Variants in SIPA1L3 observed in about 807,000 individuals in gnomAD.
SIPA1L3 encodes the protein signal induced proliferation associated 1 like 3.
SIPA1L3 carries 59 observed loss-of-function variants against 150.1 expected under a neutral mutation model. The observed-to-expected ratio is 0.39, with a 90% CI of 0.32 to 0.49. The LOEUF is 0.49. Among genes scored for constraint, SIPA1L3 ranks in the 20% least tolerant of loss-of-function variants. The pLI is 0.86. For synonymous variants in SIPA1L3, 1,070 were observed against 1,077.6 expected, an observed-to-expected ratio of 0.99 and a Z score of 0.14; for missense variants, 2,211 against 2,489.5, an observed-to-expected ratio of 0.89 and a Z score of 2.38.
rs1247864654 is a variant in SIPA1L3 at position 38,149,713 on chromosome 19, G to A, written c.3534-3127G>A. Among the ~76,000 whole-genome samples, 7 of 152,324 alleles carry A rather than the reference G, an allele frequency of 4.6e-5. 1 individual carries two copies. In the South Asian group the frequency reaches 1.2e-3, roughly 27 times the overall value. ...GCAAAGGCATCCACAGCACACTCAT[G>A]AGGAAGCTTCGAGGCTGGAAGTTAT... On this transcript the variant is annotated intron_variant, in intron 12 of 21. Transcript: ENST00000222345.
intron 15 of SIPA1L3, among the ~76,000 whole-genome samples, chr19:38,177,088 G>A (rs1220407859): frequency 2.6e-5 from 4 of 152,248 alleles, no homozygotes; most frequent in Non-Finnish European, 4.4e-5. Flanking sequence ...TGGGCCGGGC[G>A]CGGTGGCTCA....
chr19:37,999,875 A>G (rs1355280553), intron 1 of SIPA1L3, among the ~76,000 whole-genome samples: 1 of 152,182 alleles, frequency 6.6e-6, no homozygotes, highest in Non-Finnish European at 1.5e-5. Context: ...CATGATTGCC[A>G]GGGTCTTGAA....
intron 1 of SIPA1L3, among the ~76,000 whole-genome samples, chr19:37,925,587 T>A (rs1180380018): frequency 6.7e-6 from 1 of 149,084 alleles, no homozygotes; most frequent in African/African-American, 2.5e-5. Flanking sequence ...GATTGATTTA[T>A]TACTTTTTTT....
At chr19:38,170,791 C>T (rs1235906123) in intron 15 of SIPA1L3, among the ~76,000 whole-genome samples, 1 of 151,896 alleles carries the variant, frequency 6.6e-6, no homozygotes, top group Non-Finnish European at 1.5e-5. Flanking sequence ...TAGCCTAGGG[C>T]CAGCGATAAT....
intron 8 of SIPA1L3, among the ~76,000 whole-genome samples, chr19:38,117,965 C>G (rs531045734): frequency 2.0e-5 from 3 of 152,062 alleles, no homozygotes; most frequent in African/African-American, 7.2e-5. Context: ...TTTCTCTTTA[C>G]GCTCTCCTGA....
chr19:38,006,497 C>G (rs948038211), intron 1 of SIPA1L3, among the ~76,000 whole-genome samples: 11 of 152,332 alleles, frequency 7.2e-5, no homozygotes, highest in African/African-American at 2.6e-4. Context: ...GTCCCCCACA[C>G]TGACATGGGC....
chr19:38,017,456 C>T (rs1968263735), intron 1 of SIPA1L3, among the ~76,000 whole-genome samples: 3 of 152,062 alleles, frequency 2.0e-5, no homozygotes, highest in African/African-American at 7.2e-5. Flanking sequence ...AAATCTTCAC[C>T]AGAGTTCTCC....
At chr19:37,995,567 G>A (rs1171166553) in intron 1 of SIPA1L3, among the ~76,000 whole-genome samples, 1 of 152,176 alleles carries the variant, frequency 6.6e-6, no homozygotes, top group African/African-American at 2.4e-5. Flanking sequence ...CACCATCAGG[G>A]AGAACTGTGA....
intron 1 of SIPA1L3, among the ~76,000 whole-genome samples, chr19:37,993,487 A>G (rs1967562673): frequency 6.6e-6 from 1 of 152,178 alleles, no homozygotes; most frequent in Non-Finnish European, 1.5e-5. Flanking sequence ...GCACGCCACC[A>G]TGCCCAGCTA....
chr19:38,019,258 T>C (rs1968312099), intron 1 of SIPA1L3, among the ~76,000 whole-genome samples: 1 of 152,176 alleles, frequency 6.6e-6, no homozygotes, highest in Non-Finnish European at 1.5e-5. Flanking sequence ...TGTGGCAGCT[T>C]CACAGTCATC....
At chr19:38,197,984 G>A (rs1449808821) in intron 18 of SIPA1L3, among the ~76,000 whole-genome samples, 1 of 151,914 alleles carries the variant, frequency 6.6e-6, no homozygotes, top group Non-Finnish European at 1.5e-5. Context: ...ACACGGTCCG[G>A]CCGTGTTGCC....
rs571214590 is a variant in SIPA1L3 at position 38,205,616 on chromosome 19, C to G, written c.5203-481C>G. Among the ~76,000 whole-genome samples, 117 of 152,244 alleles carry G rather than the reference C, an allele frequency of 7.7e-4. 1 individual carries two copies. The highest frequency in any genetic ancestry group is 2.6e-3 in the African/African-American group (109 of 41,534). On this transcript the variant is annotated intron_variant, in intron 21 of 21. Coordinates refer to ENST00000222345, the MANE Select transcript of SIPA1L3 (RefSeq NM_015073.3). ...ACCCCCGCCCCACTGCATAATGCTG[C>G]GCAACCTGAAACAGGTCCCTGCCTT... is the stretch of plus-strand genomic sequence containing the variant.
intron 1 of SIPA1L3, among the ~76,000 whole-genome samples, chr19:37,988,967 C>T (rs1306867562): frequency 6.6e-6 from 1 of 152,184 alleles, no homozygotes; most frequent in Non-Finnish European, 1.5e-5. Flanking sequence ...CCCAGCGAGG[C>T]CTTCTTTACA....
chr19:38,017,072 T>G (rs1568503857), intron 1 of SIPA1L3, among the ~76,000 whole-genome samples: 1 of 151,036 alleles, frequency 6.6e-6, no homozygotes, highest in South Asian at 2.1e-4. Context: ...AATTTTTCCA[T>G]TTTTGATAGA....
intron 9 of SIPA1L3, among the ~76,000 whole-genome samples, chr19:38,125,911 C>T (rs1258704619): frequency 3.3e-5 from 5 of 152,288 alleles, no homozygotes; most frequent in East Asian, 3.9e-4. Context: ...CGGTGGCTCA[C>T]GCCTGTAATC....
chr19:38,157,166 T>TA (rs1403437061), intron 13 of SIPA1L3, among the ~76,000 whole-genome samples: 2 of 151,598 alleles, frequency 1.3e-5, no homozygotes, highest in African/African-American at 2.4e-5. Flanking sequence ...CTCAATAAAA[T>TA]AAAAAAATAA....
chr19:37,954,730 G>T (rs2046794124), intron 1 of SIPA1L3, among the ~76,000 whole-genome samples: 1 of 152,062 alleles, frequency 6.6e-6, no homozygotes, highest in Admixed American at 6.6e-5. Context: ...TACAGAAGTT[G>T]TCACCACCAC....
chr19:38,149,943 C>T (rs1435834900), intron 12 of SIPA1L3, among the ~76,000 whole-genome samples: 1 of 152,210 alleles, frequency 6.6e-6, no homozygotes, highest in African/African-American at 2.4e-5. Context: ...GCCATTTTTC[C>T]TGAGTGCTGA....
intron 5 of SIPA1L3, among the ~76,000 whole-genome samples, chr19:38,100,663 T>TA (rs781032746): frequency 3.3e-5 from 5 of 152,190 alleles, no homozygotes; most frequent in African/African-American, 7.2e-5. Context: ...GCCCACTCCC[T>TA]AAAAAAGGTA....
Sources: gnomAD v4.1 joint callset for allele counts (sites outside exome capture counted in the v4.1 genomes callset) on GRCh38, gnomAD v4.1.1 for gene constraint, MANE v1.5 for transcripts, NCBI Gene and HGNC (gene_info 2026-07-23, HGNC 2026-07-21) for gene names.